SH3D19: variants seen among roughly 807,000 people sequenced by gnomAD.
The protein encoded by SH3D19 is SH3 domain containing 19, also known as SH3 domain-containing protein 19.
SH3D19 carries 58 observed loss-of-function variants against 112.1 expected under a neutral mutation model. That is an observed-to-expected ratio of 0.52 (90% confidence interval 0.42 to 0.64). The LOEUF (loss-of-function observed/expected upper bound fraction) is 0.64. Among genes scored for constraint, SH3D19 ranks in the 30% least tolerant of loss-of-function variants. The pLI, the probability that SH3D19 is intolerant of heterozygous loss-of-function variation, is 0.00. For synonymous variants in SH3D19, 391 were observed against 448.5 expected (o/e 0.87, Z 1.62); for missense variants, 1,090 against 1,263.4 (o/e 0.86, Z 2.08).
At chr4:151,125,169 G>C (rs187280981) in intron 19 of SH3D19, among the ~76,000 whole-genome samples, 114 of 152,270 alleles carry the variant, frequency 7.5e-4, no homozygotes, top group Middle Eastern at 3.4e-3. Flanking sequence ...TACAGCATAA[G>C]AAATACCTAT....
At chr4:151,140,076 G>A (rs1752715298) in intron 12 of SH3D19, 1 of 453,842 alleles carries the variant, frequency 2.2e-6, no homozygotes, top group African/African-American at 2.0e-5. Context: ...ATATCCCCCA[G>A]TATGTTTTCT....
intron 9 of SH3D19, among the ~76,000 whole-genome samples, chr4:151,153,139 AT>A (rs1755387520): frequency 6.6e-6 from 1 of 151,778 alleles, no homozygotes; most frequent in African/African-American, 2.4e-5. Context: ...CAGCTGCTAT[AT>A]TTTTTTAAAA....
intron 1 of SH3D19, among the ~76,000 whole-genome samples, chr4:151,228,818 C>A (rs1769346825): frequency 6.6e-6 from 1 of 151,434 alleles, no homozygotes; most frequent in South Asian, 2.1e-4. Flanking sequence ...TATTTTAAAT[C>A]AAATACTCTT....
intron 1 of SH3D19, among the ~76,000 whole-genome samples, chr4:151,313,390 C>G (rs1267408472): frequency 6.6e-6 from 1 of 150,776 alleles, no homozygotes; most frequent in Non-Finnish European, 1.5e-5. Flanking sequence ...AAATAGAAGT[C>G]TGCATATTTT....
intron 12 of SH3D19, among the ~76,000 whole-genome samples, chr4:151,141,489 TA>T (rs1752980035): frequency 6.6e-6 from 1 of 151,914 alleles, no homozygotes; most frequent in Non-Finnish European, 1.5e-5. Flanking sequence ...TACAAAAAAA[TA>T]AAAAATTAGC....
intron 2 of SH3D19, among the ~76,000 whole-genome samples, chr4:151,190,069 T>C (rs1307442692): frequency 1.3e-5 from 2 of 152,210 alleles, no homozygotes; most frequent in African/African-American, 2.4e-5. Flanking sequence ...AAGGTGACTC[T>C]TGTTATGTTT....
intron 2 of SH3D19, among the ~76,000 whole-genome samples, chr4:151,210,175 T>G (rs1765731390): frequency 6.6e-6 from 1 of 152,176 alleles, no homozygotes; most frequent in East Asian, 1.9e-4. Context: ...TTAATTCTAC[T>G]GCTAAGAATT....
chr4:151,182,073 C>T (rs1025414295), intron 3 of SH3D19, among the ~76,000 whole-genome samples: 15 of 152,038 alleles, frequency 9.9e-5, no homozygotes, highest in African/African-American at 3.1e-4. Flanking sequence ...ACTGCAGCCT[C>T]GACTTCCCTG....
At chr4:151,274,352 A>T (rs1366353613) in intron 1 of SH3D19, among the ~76,000 whole-genome samples, 2 of 152,188 alleles carry the variant, frequency 1.3e-5, no homozygotes, top group African/African-American at 4.8e-5. Context: ...CTGCCACAAT[A>T]GCCCCTGCAA....
At chr4:151,237,237 G>A (rs570306385) in intron 1 of SH3D19, among the ~76,000 whole-genome samples, 38 of 152,316 alleles carry the variant, frequency 2.5e-4, no homozygotes, top group African/African-American at 9.1e-4. Context: ...CTTCATTCTT[G>A]AAGTCAGCAA....
rs187824661 is a variant in SH3D19 at position 151,287,027 on chromosome 4, C to T, written c.112+38214G>A. Among the ~76,000 whole-genome samples, 8 of 147,838 alleles carry T rather than the reference C, an allele frequency of 5.4e-5. No individual in the cohort carries two copies. In the East Asian group the frequency reaches 1.6e-3, roughly 29 times the overall value. On this transcript the variant is annotated intron_variant, in intron 1 of 19. Coordinates refer to ENST00000604030, the MANE Select transcript of SH3D19 (RefSeq NM_001378122.1). Reference sequence around the variant, plus strand: ...ATAATAATAGTAATTAATACCAATTCTACACAAGTTCTTTTGAAAAATAAA... The same window carrying T: ...ATAATAATAGTAATTAATACCAATTTTACACAAGTTCTTTTGAAAAATAAA...
chr4:151,154,530 T>C (rs1299473064), intron 9 of SH3D19, among the ~76,000 whole-genome samples: 6 of 151,914 alleles, frequency 3.9e-5, no homozygotes, highest in Non-Finnish European at 8.8e-5. Context: ...TCCACCCGCC[T>C]TGGCCTCCCA....
intron 1 of SH3D19, among the ~76,000 whole-genome samples, chr4:151,276,721 G>A (rs556842597): frequency 1.3e-5 from 2 of 152,318 alleles, no homozygotes; most frequent in Non-Finnish European, 2.9e-5. Flanking sequence ...AACTTGACTT[G>A]CAGTGCAGCT....
intron 2 of SH3D19, among the ~76,000 whole-genome samples, chr4:151,191,361 G>A (rs1161757163): frequency 6.6e-6 from 1 of 152,180 alleles, no homozygotes; most frequent in Non-Finnish European, 1.5e-5. Context: ...GTGAGGACAT[G>A]ACATTTGGGA....
At chr4:151,272,970 T>C (rs1773330453) in intron 1 of SH3D19, among the ~76,000 whole-genome samples, 1 of 152,180 alleles carries the variant, frequency 6.6e-6, no homozygotes, top group South Asian at 2.1e-4. Context: ...GATTTTCTAA[T>C]GCTGCTGGTC....
chr4:151,265,577 T>TTTC, intron 1 of SH3D19, among the ~76,000 whole-genome samples: 1 of 146,502 alleles, frequency 6.8e-6, no homozygotes, highest in East Asian at 2.0e-4. Context: ...TTCTTTTTTT[T>TTTC]TTTTTTTTTT....
intron 7 of SH3D19, chr4:151,170,654 G>A (rs1348897436): frequency 6.6e-6 from 1 of 152,048 alleles, no homozygotes; most frequent in Non-Finnish European, 1.5e-5. Flanking sequence ...GGTCATTGGG[G>A]GAAGCAGTTC....
intron 1 of SH3D19, among the ~76,000 whole-genome samples, chr4:151,241,317 G>A (rs1038894476): frequency 1.3e-5 from 2 of 151,612 alleles, no homozygotes; most frequent in Non-Finnish European, 2.9e-5. Context: ...AAATAAATAA[G>A]TAAGCAAGCA....
At chr4:151,236,417 G>T (rs1055665191) in intron 1 of SH3D19, among the ~76,000 whole-genome samples, 1 of 152,278 alleles carries the variant, frequency 6.6e-6, no homozygotes, top group Non-Finnish European at 1.5e-5. Context: ...AAGTCCCACC[G>T]CGAGGGCCAT....
Sources: gnomAD v4.1 joint callset for allele counts (sites outside exome capture counted in the v4.1 genomes callset) on GRCh38, gnomAD v4.1.1 for gene constraint, MANE v1.5 for transcripts, NCBI Gene and HGNC (gene_info 2026-07-23, HGNC 2026-07-21) for gene names.